Variants in FBXW8 observed in about 807,000 individuals in gnomAD.
FBXW8 encodes the protein F-box and WD repeat domain containing 8.
Under a neutral mutation model 65.3 loss-of-function variants are expected in FBXW8, and 57 were observed. The ratio of observed to expected loss-of-function variants is 0.87; its 90% confidence interval spans 0.71 to 1.09. The LOEUF (loss-of-function observed/expected upper bound fraction) is 1.09. FBXW8 is among the 50% of genes least tolerant of loss of function. The pLI, the probability that FBXW8 is intolerant of heterozygous loss-of-function variation, is 0.00. For synonymous variants in FBXW8, 308 were observed against 330.2 expected (o/e 0.93, Z 0.73); for missense variants, 777 against 814.8 (o/e 0.95, Z 0.57).
chr12:116,946,869 G>T (rs928430882), intron 3 of FBXW8, among the ~76,000 whole-genome samples: 1 of 152,050 alleles, frequency 6.6e-6, no homozygotes, highest in Non-Finnish European at 1.5e-5. Flanking sequence ...GGTGGGAGGG[G>T]CTGCGATTTA....
intron 5 of FBXW8, among the ~76,000 whole-genome samples, chr12:116,972,434 GAAGT>G (rs1884693411): frequency 6.6e-6 from 1 of 152,228 alleles, no homozygotes; most frequent in Non-Finnish European, 1.5e-5. Flanking sequence ...GATCAAACTA[GAAGT>G]AAGTATATTT....
chr12:116,962,631 G>C (rs1884057504), intron 4 of FBXW8, among the ~76,000 whole-genome samples: 1 of 152,208 alleles, frequency 6.6e-6, no homozygotes, highest in East Asian at 1.9e-4. Flanking sequence ...TTACTTTTCT[G>C]ATCTGAATTC....
chr12:117,014,985 G>A (rs571082539), intron 8 of FBXW8, among the ~76,000 whole-genome samples: 103 of 152,216 alleles, frequency 6.8e-4, no homozygotes, highest in South Asian at 3.5e-3. Context: ...CGGCATCGCC[G>A]CCACCATGCA....
chr12:117,006,218 TC>T (rs922066254), intron 7 of FBXW8, among the ~76,000 whole-genome samples: 2 of 152,178 alleles, frequency 1.3e-5, no homozygotes, highest in Non-Finnish European at 2.9e-5. Flanking sequence ...AGAGTTCCTT[TC>T]CTCATTCATC....
At chr12:116,946,279 C>T (rs1432678615) in intron 3 of FBXW8, among the ~76,000 whole-genome samples, 2 of 152,128 alleles carry the variant, frequency 1.3e-5, no homozygotes, top group African/African-American at 4.8e-5. Flanking sequence ...TGACAAATTG[C>T]CTATGTGCCT....
chr12:116,937,770 G>C (rs1291188225), intron 2 of FBXW8, among the ~76,000 whole-genome samples: 1 of 152,000 alleles, frequency 6.6e-6, no homozygotes, highest in Admixed American at 6.6e-5. Context: ...CCTGTGAAGG[G>C]AACAATGAGA....
intron 3 of FBXW8, among the ~76,000 whole-genome samples, chr12:116,947,674 G>A (rs545685469): frequency 6.6e-6 from 1 of 150,664 alleles, no homozygotes; most frequent in South Asian, 2.1e-4. Flanking sequence ...TGGAGGTGGA[G>A]GTTGCAGTGA....
At position 117,028,393 on chromosome 12, in the gene FBXW8, A is replaced by C. The variant is rs1225342626; in HGVS notation, c.*221A>C. ...TCGAGTCCCACGTGCTGCCAACTCA[A>C]ACATAGCCTCCTTCCCCACCCAGCT... On this transcript the variant is annotated 3_prime_UTR_variant, in exon 11 of 11. Transcript: ENST00000652555. This position sits in a 1 kb window ranked among gnomAD's most constrained non-coding sequence, Gnocchi z 4.1. 3.4e-6 allele frequency: 2 copies of C among 586,306 alleles called. No individual in the cohort carries two copies. Among genetic ancestry groups the C allele is most frequent in the African/African-American group, 1.9e-5 (1 of 53,258 alleles). The allele number at this position is 586,306 out of a possible 1,614,324, so 36.3% of individuals were successfully genotyped here.
intron 2 of FBXW8, among the ~76,000 whole-genome samples, chr12:116,942,417 C>G (rs1034952183): frequency 6.7e-6 from 1 of 150,212 alleles, no homozygotes; most frequent in Admixed American, 6.6e-5. Context: ...CGCTGTTGCC[C>G]AGGCTGGAGT....
At chr12:116,928,574 T>C (rs1334920444) in intron 2 of FBXW8, among the ~76,000 whole-genome samples, 1 of 152,182 alleles carries the variant, frequency 6.6e-6, no homozygotes, top group Non-Finnish European at 1.5e-5. Context: ...ATAGTCCAAA[T>C]TACCCTTTAA....
intron 10 of FBXW8, 142 bp from the exon 11 acceptor site, chr12:117,027,884 CTG>C: frequency 9.1e-7 from 1 of 1,102,226 alleles, no homozygotes; most frequent in Non-Finnish European, 1.3e-6. Context: ...CTGTGAGTAT[CTG>C]ACGCTGTGTG....
chr12:116,982,526 G>A (rs997484726), intron 5 of FBXW8, among the ~76,000 whole-genome samples: 1 of 152,018 alleles, frequency 6.6e-6, no homozygotes, highest in Non-Finnish European at 1.5e-5. Flanking sequence ...GATCAAGTGC[G>A]ACACTTTATA....
rs990672052 is a variant in FBXW8 at position 116,936,319 on chromosome 12, G to C, written c.423+8192G>C. 3.3e-5 allele frequency among the ~76,000 whole-genome samples: 5 copies of C among 152,214 alleles called. No homozygotes were observed. The highest frequency in any genetic ancestry group is 7.3e-5 in the Non-Finnish European group (5 of 68,036). On this transcript the variant is annotated intron_variant, in intron 2 of 10. Transcript: ENST00000652555. This position sits in a 1 kb window ranked among gnomAD's most constrained non-coding sequence, Gnocchi z 4.6. The stretch of plus-strand genomic sequence containing the variant: ...TGAAGAACAGCAGGAAGGTCCAAGT[G>C]GGTGGTTGTCGTACGCTGAATAATG...
chr12:116,958,153 G>A (rs574696651), intron 4 of FBXW8, among the ~76,000 whole-genome samples: 33 of 152,294 alleles, frequency 2.2e-4, no homozygotes, highest in East Asian at 1.4e-3. Context: ...CAATTGATGC[G>A]TCTTAAGCCC....
At chr12:116,991,068 T>C (rs142872496) in intron 7 of FBXW8, among the ~76,000 whole-genome samples, 1,546 of 152,354 alleles carry the variant, frequency 0.01, 23 homozygotes, top group Non-Finnish European at 0.011. Context: ...ATAAATTTGC[T>C]GCAAGAATGT....
chr12:116,948,384 T>G (rs1883065396), intron 3 of FBXW8, among the ~76,000 whole-genome samples: 1 of 152,216 alleles, frequency 6.6e-6, no homozygotes, highest in Non-Finnish European at 1.5e-5. Flanking sequence ...CACGTGGATG[T>G]GTCTAGTTTT....
At chr12:117,021,070 C>T (rs1360158816) in intron 8 of FBXW8, among the ~76,000 whole-genome samples, 6 of 152,288 alleles carry the variant, frequency 3.9e-5, no homozygotes, top group African/African-American at 1.4e-4. Flanking sequence ...GATTTCTGCT[C>T]GCCTCAGCTG....
At chr12:117,009,313 G>C (rs1336372135) in intron 7 of FBXW8, among the ~76,000 whole-genome samples, 1 of 151,758 alleles carries the variant, frequency 6.6e-6, no homozygotes, top group African/African-American at 2.4e-5. Context: ...AATTGGCTGA[G>C]CCCAGGAGTT....
At chr12:117,019,273 C>T (rs1954031415) in intron 8 of FBXW8, among the ~76,000 whole-genome samples, 1 of 152,168 alleles carries the variant, frequency 6.6e-6, no homozygotes. Context: ...TGTTATGGAT[C>T]TCAGAATTTT....
Sources: allele counts gnomAD v4.1 joint callset (sites outside exome capture counted in the v4.1 genomes callset), GRCh38; gene constraint gnomAD v4.1.1; non-coding constraint Gnocchi (gnomAD v3.1); transcripts MANE v1.5; gene names NCBI Gene and HGNC (gene_info 2026-07-23, HGNC 2026-07-21).